MRM1: variants seen among roughly 807,000 people sequenced by gnomAD.
The protein encoded by MRM1 is rRNA methyltransferase 1, mitochondrial.
Under a neutral mutation model 25.0 loss-of-function variants are expected in MRM1, and 24 were observed. The ratio of observed to expected loss-of-function variants is 0.96; its 90% CI spans 0.69 to 1.35. The LOEUF (loss-of-function observed/expected upper bound fraction) is 1.35, where lower values mean the gene tolerates loss of function less well. Among genes scored for constraint, MRM1 ranks in the 40% most tolerant of loss-of-function variants. MRM1 has a pLI of 0.00. For missense variants in MRM1, 431 were observed against 464.1 expected, an observed-to-expected ratio of 0.93 and a Z score of 0.65; for synonymous variants, 188 against 199.2, an observed-to-expected ratio of 0.94 and a Z score of 0.47.
In MRM1 at chr17:36,602,688, C is replaced by G; in HGVS notation, c.636+42C>G. On this transcript the variant is annotated intron_variant, in intron 2 of 4. Coordinates refer to ENST00000614766, the MANE Select transcript of MRM1 (RefSeq NM_024864.5). This position sits in a 1 kb window ranked among gnomAD's most constrained non-coding sequence, Gnocchi z 4.1. ...GGGGAAGGAACAGATGTGAGCCCAGCTCAGCCTCTTCAAGGGGACGAAGCT... is the reference window on the plus strand; with the variant it reads ...GGGGAAGGAACAGATGTGAGCCCAGGTCAGCCTCTTCAAGGGGACGAAGCT... 1 of 1,606,202 alleles carries G rather than the reference C, an allele frequency of 6.2e-7. No individual in the cohort carries two copies. Among genetic ancestry groups the G allele is most frequent in the South Asian group, 1.1e-5 (1 of 90,942 alleles).
At chr17:36,630,338 C>T in the MRM1 span, among the ~76,000 whole-genome samples, 3 of 152,140 alleles carry the variant, frequency 2.0e-5, no homozygotes, top group Non-Finnish European at 2.9e-5. Flanking sequence ...TGAGAGACCC[C>T]GTCCTCAGAT....
chr17:36,626,803 AAGG>A, the MRM1 span, among the ~76,000 whole-genome samples: 2 of 152,060 alleles, frequency 1.3e-5, no homozygotes, highest in Non-Finnish European at 2.9e-5. Flanking sequence ...CTGTAAGGGG[AAGG>A]GTTGACACTC....
chr17:36,611,124 TA>T (rs968999269), downstream of MRM1, among the ~76,000 whole-genome samples: 22 of 152,246 alleles, frequency 1.4e-4, no homozygotes, highest in African/African-American at 5.1e-4. Flanking sequence ...CGATATTTCT[TA>T]AAGCTACTAG....
In MRM1 at chr17:36,602,537, C is replaced by G. The variant is rs1201375830; in HGVS notation, c.543-16C>G. On this transcript the variant is annotated splice_polypyrimidine_tract_variant and intron_variant, in intron 1 of 4. Transcript: ENST00000614766. The surrounding 1 kb of genome is among the most constrained non-coding windows in gnomAD (Gnocchi z 4.1). ...AGATGGCCCAGCCTAATGCGGGGAA[C>G]GGGGAAACCTTGCAGCTGCCCGCTC... The G allele has an allele frequency of 3.7e-6, 6 of 1,613,972 alleles. No homozygotes were observed. In the East Asian group the frequency reaches 1.3e-4, roughly 36 times the overall value.
At chr17:36,626,229 G>A in the MRM1 span, among the ~76,000 whole-genome samples, 498 of 152,300 alleles carry the variant, frequency 3.3e-3, 5 homozygotes, top group African/African-American at 0.012. Flanking sequence ...GACAGTGCAT[G>A]TTGTGTCCCT....
At chr17:36,633,019 C>T in the MRM1 span, among the ~76,000 whole-genome samples, 6 of 152,258 alleles carry the variant, frequency 3.9e-5, no homozygotes, top group Middle Eastern at 6.8e-3. Flanking sequence ...AAAACAAAAG[C>T]GGGATATATT....
the MRM1 span, among the ~76,000 whole-genome samples, chr17:36,623,410 A>G: frequency 0.21 from 31,249 of 152,212 alleles, 3,433 homozygotes; most frequent in Middle Eastern, 0.22. Flanking sequence ...AATAATTGGA[A>G]AGCATGACAA....
At chr17:36,613,255 C>T (rs536265852), downstream of MRM1, among the ~76,000 whole-genome samples, 1 of 152,028 alleles carries the variant, frequency 6.6e-6, no homozygotes, top group South Asian at 2.1e-4. Context: ...CCCGCTTTGC[C>T]GACACACATA....
chr17:36,620,641 T>C, the MRM1 span, among the ~76,000 whole-genome samples: 16 of 152,302 alleles, frequency 1.1e-4, no homozygotes, highest in Admixed American at 8.5e-4. Flanking sequence ...TTGGGGTTGA[T>C]GGCCTCTGAT....
the MRM1 span, among the ~76,000 whole-genome samples, chr17:36,617,123 G>T: frequency 3.0e-4 from 45 of 152,258 alleles, 1 homozygote; most frequent in Middle Eastern, 3.4e-3. Flanking sequence ...GGTGTTCCAG[G>T]CTGGAAGCCC....
the MRM1 span, among the ~76,000 whole-genome samples, chr17:36,617,455 T>C: frequency 4.0e-4 from 60 of 150,516 alleles, no homozygotes; most frequent in South Asian, 0.013. Flanking sequence ...TGCGGTGTCC[T>C]GATCTCTGCT....
At chr17:36,614,432 G>A in the MRM1 span, among the ~76,000 whole-genome samples, 3 of 152,192 alleles carry the variant, frequency 2.0e-5, no homozygotes. Flanking sequence ...CTGACCAGAG[G>A]TTGTCACTGT....
the MRM1 span, among the ~76,000 whole-genome samples, chr17:36,618,141 G>T: frequency 3.3e-5 from 5 of 152,048 alleles, no homozygotes; most frequent in African/African-American, 4.8e-5. Context: ...TCCTTGAGGG[G>T]ACCTGGGAGT....
chr17:36,631,379 T>C, the MRM1 span, among the ~76,000 whole-genome samples: 42 of 152,326 alleles, frequency 2.8e-4, no homozygotes, highest in African/African-American at 9.6e-4. Flanking sequence ...CATGTGTGCA[T>C]GTATTTGTGC....
downstream of MRM1, among the ~76,000 whole-genome samples, chr17:36,612,693 T>C (rs546929154): frequency 7.2e-5 from 11 of 152,320 alleles, no homozygotes; most frequent in African/African-American, 2.4e-4. Flanking sequence ...TTGCTAGAAG[T>C]ATAAATGTGG....
At chr17:36,623,328 T>G in the MRM1 span, among the ~76,000 whole-genome samples, 1 of 152,196 alleles carries the variant, frequency 6.6e-6, no homozygotes, top group African/African-American at 2.4e-5. Flanking sequence ...GCTAAAGAAT[T>G]AGGGGAGCGT....
downstream of MRM1, among the ~76,000 whole-genome samples, chr17:36,613,566 A>G (rs2142849217): frequency 6.6e-6 from 1 of 152,276 alleles, no homozygotes; most frequent in African/African-American, 2.4e-5. Context: ...ACAGAGCTAG[A>G]GGTCCCTCCT....
At chr17:36,613,247 C>T (rs1456095727), downstream of MRM1, among the ~76,000 whole-genome samples, 1 of 152,078 alleles carries the variant, frequency 6.6e-6, no homozygotes, top group Non-Finnish European at 1.5e-5. Context: ...CTCCCACCCC[C>T]GCTTTGCCGA....
chr17:36,617,028 C>T, the MRM1 span, among the ~76,000 whole-genome samples: 920 of 151,852 alleles, frequency 6.1e-3, 10 homozygotes, highest in African/African-American at 0.021. Context: ...CCAGGCTTTC[C>T]GAGCTACCTT....
Sources: allele counts gnomAD v4.1 joint callset (sites outside exome capture counted in the v4.1 genomes callset), GRCh38; gene constraint gnomAD v4.1.1; non-coding constraint Gnocchi (gnomAD v3.1); transcripts MANE v1.5; gene names NCBI Gene and HGNC (gene_info 2026-07-23, HGNC 2026-07-21).